The following RAMP1 variants were observed in gnomAD, a reference collection of about 807,000 sequenced individuals.
RAMP1 encodes the protein receptor activity modifying protein 1.
RAMP1 carries 7 observed loss-of-function variants against 8.2 expected under a neutral mutation model. The ratio of observed to expected loss-of-function variants is 0.85; its 90% CI spans 0.49 to 1.60. The LOEUF (loss-of-function observed/expected upper bound fraction) is 1.60. Ranked by LOEUF, RAMP1 falls within the 40% of genes most tolerant of loss-of-function variation. The pLI, the probability that RAMP1 is intolerant of heterozygous loss-of-function variation, is 0.00. For synonymous variants in RAMP1, 92 were observed against 84.7 expected (o/e 1.09, Z -0.47); for missense variants, 192 against 202.4 (o/e 0.95, Z 0.31).
Position 237,862,196 on chromosome 2 carries a change from A to T in RAMP1, c.52+2469A>T, listed in dbSNP as rs1198525971. ...TATAAATACAAGTAGAATTGGAATG[A>T]CAGGGACATCACAGGAAATGCTATG... On this transcript the variant is annotated intron_variant, in intron 1 of 2. Coordinates refer to ENST00000254661, the MANE Select transcript of RAMP1 (RefSeq NM_005855.4). This position sits in a 1 kb window ranked among gnomAD's most constrained non-coding sequence, Gnocchi z 4.0. Among the ~76,000 whole-genome samples, 1 of 152,174 alleles carries T rather than the reference A, an allele frequency of 6.6e-6. No homozygotes were observed.
rs999173241 is a variant in RAMP1, at chr2:237,862,600, T to C, written c.52+2873T>C. Among the ~76,000 whole-genome samples, 4 of 152,214 alleles carry C rather than the reference T, an allele frequency of 2.6e-5. No individual in the cohort carries two copies. Among genetic ancestry groups the C allele is most frequent in the Non-Finnish European group, 4.4e-5 (3 of 68,024 alleles). ...GTTACAACTGGCGTCTGGCTGACTG[T>C]GTGATGCAGGTGCCATGTGTAGTGT... On this transcript the variant is annotated intron_variant, in intron 1 of 2. Coordinates refer to ENST00000254661, the MANE Select transcript of RAMP1 (RefSeq NM_005855.4). This position sits in a 1 kb window ranked among gnomAD's most constrained non-coding sequence, Gnocchi z 4.0.
intron 2 of RAMP1, among the ~76,000 whole-genome samples, chr2:237,905,186 G>T (rs2151022805): frequency 6.6e-6 from 1 of 152,252 alleles, no homozygotes; most frequent in South Asian, 2.1e-4. Flanking sequence ...TTAAAGCCAG[G>T]GTGTATTTTT....
chr2:237,893,126 C>T (rs959075377), intron 2 of RAMP1, among the ~76,000 whole-genome samples: 2 of 152,190 alleles, frequency 1.3e-5, no homozygotes, highest in African/African-American at 4.8e-5. Context: ...GTCTTTGCAA[C>T]GTGAGTGACA....
chr2:237,894,372 CTT>C (rs2062516726), intron 2 of RAMP1, among the ~76,000 whole-genome samples: 1 of 152,240 alleles, frequency 6.6e-6, no homozygotes, highest in African/African-American at 2.4e-5. Context: ...TAACTCACCT[CTT>C]TACAGGGAGG....
At chr2:237,907,068 A>G (rs1439398304) in intron 2 of RAMP1, among the ~76,000 whole-genome samples, 1 of 152,184 alleles carries the variant, frequency 6.6e-6, no homozygotes, top group Non-Finnish European at 1.5e-5. Context: ...ATAGAATTCC[A>G]GGCTGACAAA....
chr2:237,893,455 C>T (rs563321412), intron 2 of RAMP1, among the ~76,000 whole-genome samples: 5 of 152,286 alleles, frequency 3.3e-5, no homozygotes, highest in Admixed American at 6.5e-5. Flanking sequence ...CTGAGGTTTC[C>T]GGACATGGTT....
chr2:237,900,767 T>G (rs1248500495), intron 2 of RAMP1, among the ~76,000 whole-genome samples: 1 of 152,180 alleles, frequency 6.6e-6, no homozygotes, highest in Admixed American at 6.5e-5. Context: ...TTTTTTAAAT[T>G]TATCCTTTTT....
intron 2 of RAMP1, among the ~76,000 whole-genome samples, chr2:237,879,989 C>CAAAAAAA (rs35678960): frequency 9.9e-4 from 75 of 75,808 alleles, no homozygotes; most frequent in Non-Finnish European, 1.1e-3. Flanking sequence ...GACTTTGTCT[C>CAAAAAAA]AAAAAAAAAA....
chr2:237,859,528 C>A, upstream of RAMP1: 1 of 322,968 alleles, frequency 3.1e-6, no homozygotes, highest in Non-Finnish European at 4.5e-6. Context: ...CGGGGAGCCG[C>A]AGTGGGCCGG....
intron 2 of RAMP1, among the ~76,000 whole-genome samples, chr2:237,879,883 G>A (rs145261592): frequency 0.19 from 28,411 of 149,866 alleles, 2,792 homozygotes; most frequent in Middle Eastern, 0.24. Flanking sequence ...CCAGCTACTC[G>A]GGAGGCTGAG....
At chr2:237,873,269 C>G (rs149334231) in intron 1 of RAMP1, among the ~76,000 whole-genome samples, 2 of 152,374 alleles carry the variant, frequency 1.3e-5, no homozygotes, top group Non-Finnish European at 2.9e-5. Context: ...AGCTACAGAA[C>G]TGGCCTTTCC....
intron 2 of RAMP1, among the ~76,000 whole-genome samples, chr2:237,890,804 CT>C (rs1202804836): frequency 4.6e-5 from 7 of 152,110 alleles, no homozygotes; most frequent in Admixed American, 3.9e-4. Flanking sequence ...CTTCTTTCCC[CT>C]TTTTTTCTTT....
Position 237,878,044 on chromosome 2 carries a change from A to G in RAMP1, c.191+682A>G, listed in dbSNP as rs1456657003. On this transcript the variant is annotated intron_variant, in intron 2 of 2. Coordinates refer to ENST00000254661, the MANE Select transcript of RAMP1 (RefSeq NM_005855.4). The surrounding 1 kb of genome is among the most constrained non-coding windows in gnomAD (Gnocchi z 5.7). ...GCGATCAGAACTCGGCATGTCCGCA[A>G]TCGACTTTCAAGTCCTTGTTTCTGC... 19 of 985,344 alleles carry G rather than the reference A, an allele frequency of 1.9e-5. No individual in the cohort carries two copies. Among genetic ancestry groups the G allele is most frequent in the Non-Finnish European group, 1.9e-5 (16 of 829,930 alleles). The allele number at this position is 985,344 out of a possible 1,614,324, so 61.0% of individuals were successfully genotyped here. A position where few individuals can be genotyped will look rare whatever the true frequency, so the allele number is the denominator to read the frequency against.
chr2:237,900,705 C>A (rs2062588367), intron 2 of RAMP1, among the ~76,000 whole-genome samples: 1 of 151,988 alleles, frequency 6.6e-6, no homozygotes, highest in African/African-American at 2.4e-5. Context: ...TTTTTAAATT[C>A]TCCTGTGACT....
At chr2:237,876,981 G>T (rs189956795) in intron 1 of RAMP1, among the ~76,000 whole-genome samples, 2 of 152,296 alleles carry the variant, frequency 1.3e-5, no homozygotes, top group East Asian at 3.9e-4. Flanking sequence ...GATGGAATGT[G>T]CCCTGGCCCA....
intron 2 of RAMP1, among the ~76,000 whole-genome samples, chr2:237,905,703 G>C (rs763957215): frequency 1.3e-5 from 2 of 152,124 alleles, no homozygotes; most frequent in Non-Finnish European, 2.9e-5. Flanking sequence ...TATGGGAGAG[G>C]ATCATCATTC....
At chr2:237,905,595 C>G (rs1034690303) in intron 2 of RAMP1, among the ~76,000 whole-genome samples, 1 of 152,212 alleles carries the variant, frequency 6.6e-6, no homozygotes, top group African/African-American at 2.4e-5. Context: ...GCCACAGCTC[C>G]GCTCCTCAGA....
chr2:237,898,819 GC>G (rs1344736501), intron 2 of RAMP1, among the ~76,000 whole-genome samples: 2 of 152,238 alleles, frequency 1.3e-5, no homozygotes, highest in East Asian at 3.9e-4. Context: ...CCTGACGCAC[GC>G]CAGGCCAGGC....
At chr2:237,888,698 A>G (rs985296698) in intron 2 of RAMP1, among the ~76,000 whole-genome samples, 61 of 152,282 alleles carry the variant, frequency 4.0e-4, no homozygotes, top group Admixed American at 2.3e-3. Context: ...GTTCACAGCA[A>G]AATTGAGAGG....
Sources: allele counts gnomAD v4.1 joint callset (sites outside exome capture counted in the v4.1 genomes callset), GRCh38; gene constraint gnomAD v4.1.1; non-coding constraint Gnocchi (gnomAD v3.1); transcripts MANE v1.5; gene names NCBI Gene and HGNC (gene_info 2026-07-23, HGNC 2026-07-21).